DOP1A: variants seen among roughly 807,000 people sequenced by gnomAD.
DOP1A encodes protein DOP1A.
In DOP1A, 90 loss-of-function variants were observed where a neutral mutation model predicts 267.6. That is an observed-to-expected ratio of 0.34 (90% confidence interval 0.28 to 0.40). DOP1A has a LOEUF of 0.40. Ranked by LOEUF, DOP1A falls within the 10% of genes least tolerant of loss-of-function variation. The pLI is 1.00. For missense variants in DOP1A, 2,437 were observed against 2,900.4 expected (o/e 0.84, Z 3.67); for synonymous variants, 932 against 999.1 (o/e 0.93, Z 1.27).
chr6:83,073,188 T>A (rs764498148), intron 1 of DOP1A: 10 of 166,358 alleles, frequency 6.0e-5, no homozygotes, highest in Non-Finnish European at 1.2e-4. Context: ...GTTCGAGCGA[T>A]TCTCCTGCAT....
intron 3 of DOP1A, among the ~76,000 whole-genome samples, chr6:83,098,695 T>C (rs1771953141): frequency 6.6e-6 from 1 of 152,042 alleles, no homozygotes; most frequent in African/African-American, 2.4e-5. Flanking sequence ...TCCTCAGGAG[T>C]GCCACCCTCC....
intron 7 of DOP1A, among the ~76,000 whole-genome samples, chr6:83,117,428 G>A (rs1775642727): frequency 6.6e-6 from 1 of 152,168 alleles, no homozygotes; most frequent in Non-Finnish European, 1.5e-5. Context: ...GGGATTACAG[G>A]TGTGAGTCAC....
chr6:83,155,954 G>A lies in DOP1A; in HGVS notation c.6455G>A (p.Arg2152His), dbSNP rs1187215002. 11 of 1,609,862 alleles carry A rather than the reference G, an allele frequency of 6.8e-6. No homozygotes were observed. Among genetic ancestry groups the A allele is most frequent in the East Asian group, 4.5e-5 (2 of 44,836 alleles). ...TCTCTTTCACTTGCTTTTTCAGCTC[G>A]TGTAGCAGTGGCTCAAAGCAGTTCA... ...DKTTFRDLMT[R>H]VAVAQSSSLN... The change falls in exon 34 of 39, where the codon CGT (arginine) becomes CAT (histidine). Residue 2152 changes from arginine (R) to histidine (H), a missense_variant. Arg to His is a conservative substitution (Grantham distance 29, BLOSUM62 0). This residue lies in a region of DOP1A where 75 missense variants were observed against 149.6 expected (regional missense o/e 0.50). Transcript: ENST00000349129.
At chr6:83,079,838 T>G (rs1767773549) in intron 1 of DOP1A, among the ~76,000 whole-genome samples, 2 of 152,138 alleles carry the variant, frequency 1.3e-5, no homozygotes, top group Non-Finnish European at 2.9e-5. Flanking sequence ...TGATGAAAAT[T>G]TATGTTTCAA....
rs766192477 is a variant in DOP1A, at chr6:83,138,368, C to T, written c.4326C>T (p.Asp1442=). The change falls in exon 21 of 39, where the codon GAC becomes GAT. Residue 1442 remains aspartate (D), a synonymous_variant. Coordinates refer to ENST00000349129, the MANE Select transcript of DOP1A (RefSeq NM_015018.4). ...ATTTTTATAGTCACATTCCAGTGGA[C>T]TCAAATCATAACTTCCGGAGTTCTA... is the stretch of plus-strand genomic sequence containing the variant. ...GKDFYSHIPV[D]SNHNFRSSMY... 3.7e-6 allele frequency: 6 copies of T among 1,610,944 alleles called. No homozygotes were observed. In the Admixed American group the frequency reaches 1.0e-4, roughly 27 times the overall value.
chr6:83,077,788 G>A (rs982122041), intron 1 of DOP1A, among the ~76,000 whole-genome samples: 2 of 152,160 alleles, frequency 1.3e-5, no homozygotes, highest in Non-Finnish European at 2.9e-5. Context: ...CAAACTTTTG[G>A]CCTCCCTGGG....
At chr6:83,149,929 T>G (rs909101238) in intron 27 of DOP1A, among the ~76,000 whole-genome samples, 6 of 152,238 alleles carry the variant, frequency 3.9e-5, no homozygotes, top group African/African-American at 1.4e-4. Flanking sequence ...CTATGTTTGT[T>G]GACAATCTGG....
Position 83,168,182 on chromosome 6 carries a change from T to G in DOP1A, c.*15T>G. 1.9e-6 allele frequency: 3 copies of G among 1,601,808 alleles called. No individual in the cohort carries two copies. The highest frequency in any genetic ancestry group is 1.7e-6 in the Non-Finnish European group (2 of 1,175,174). ...TAAAAACTTGAGCACCATTGCTGGT[T>G]CCATTTAGCTTACATGTAAATGTAA... On this transcript the variant is annotated 3_prime_UTR_variant, in exon 39 of 39. Transcript: ENST00000349129.
At chr6:83,152,710 C>T (rs560980018) in intron 30 of DOP1A, among the ~76,000 whole-genome samples, 3 of 151,444 alleles carry the variant, frequency 2.0e-5, no homozygotes, top group East Asian at 3.9e-4. Flanking sequence ...CTCTGCCTCC[C>T]GGGCTCAAGC....
In DOP1A at chr6:83,120,802, C is replaced by T; in HGVS notation, c.1099+11C>T. ...ACAAACCTGAGCTAGGTAATGTATACTGTCCTAGGGCATAAGGTCATGTGT... is the reference window on the plus strand; with the variant it reads ...ACAAACCTGAGCTAGGTAATGTATATTGTCCTAGGGCATAAGGTCATGTGT... On this transcript the variant is annotated intron_variant, in intron 10 of 38. Coordinates refer to ENST00000349129, the MANE Select transcript of DOP1A (RefSeq NM_015018.4). 1 of 1,540,000 alleles carries T rather than the reference C, an allele frequency of 6.5e-7. No individual in the cohort carries two copies. Among genetic ancestry groups the T allele is most frequent in the Non-Finnish European group, 8.9e-7 (1 of 1,126,626 alleles).
rs775495392 is a variant in DOP1A, at chr6:83,138,785, ACTT to A, written c.4747_4749del (p.Leu1583del). On this transcript the variant is annotated inframe_deletion, in exon 21 of 39. Transcript: ENST00000349129. ...ACAATGGCAGCACGTTGCAGTCACA[ACTT>A]CTTAAGGTGCTTCAGAGGCTGATTG... The A allele has an allele frequency of 8.1e-6, 13 of 1,614,014 alleles. 1 individual carries two copies. Among genetic ancestry groups the A allele is most frequent in the Non-Finnish European group, 1.1e-5 (13 of 1,179,920 alleles).
intron 24 of DOP1A, 72 bp downstream of exon 24, chr6:83,142,118 A>G: frequency 6.4e-7 from 1 of 1,554,128 alleles, no homozygotes. Context: ...ACTTCTCCAT[A>G]TATTGCAGTG....
intron 1 of DOP1A, among the ~76,000 whole-genome samples, chr6:83,084,850 CA>C (rs1382992737): frequency 6.6e-6 from 1 of 152,046 alleles, no homozygotes; most frequent in Non-Finnish European, 1.5e-5. Context: ...CTTGGCCTCC[CA>C]AAGTGCTGGG....
At chr6:83,144,791 T>C (rs1294115940) in intron 24 of DOP1A, among the ~76,000 whole-genome samples, 1 of 152,074 alleles carries the variant, frequency 6.6e-6, no homozygotes, top group African/African-American at 2.4e-5. Flanking sequence ...TTGAGCATGG[T>C]TGCTTTGGGG....
rs1279904077 is a variant in DOP1A at position 83,160,111 on chromosome 6, CG to C, written c.6962+153del. The C allele has an allele frequency of 7.8e-6, 6 of 769,510 alleles. No individual in the cohort carries two copies. In the African/African-American group the frequency reaches 1.1e-4, roughly 14 times the overall value. 47.7% of individuals were successfully genotyped at this position (769,510 alleles called of 1,614,324 possible). A position where few individuals can be genotyped will look rare whatever the true frequency, so the allele number is the denominator to read the frequency against. ...AATTCTTTTGGCACAGCAGAGTTAT[CG>C]GAAGTAAATGGTCAATGTGGATATA... On this transcript the variant is annotated intron_variant, in intron 37 of 38. Coordinates refer to ENST00000349129, the MANE Select transcript of DOP1A (RefSeq NM_015018.4).
chr6:83,138,921 C>T lies in DOP1A; in HGVS notation c.4879C>T (p.Gln1627Ter). 1 of 1,614,090 alleles carries T rather than the reference C, an allele frequency of 6.2e-7. No homozygotes were observed. Among genetic ancestry groups the T allele is most frequent in the African/African-American group, 1.3e-5 (1 of 75,042 alleles). ...TCCCCATCAACCCATGACTTCTCTT[C>T]AGTATTTGCATGCTCAGCCAATCAC... is the stretch of plus-strand genomic sequence containing the variant. Reference protein sequence around the residue: ...ISPHQPMTSLQYLHAQPITCQ... With the variant: ...ISPHQPMTSL Residue 1627 changes from glutamine to a stop codon, truncating the protein, a stop_gained, in exon 21 of 39, where the codon CAG (glutamine) becomes TAG (stop). Coordinates refer to ENST00000349129, the MANE Select transcript of DOP1A (RefSeq NM_015018.4). LOFTEE classifies it high-confidence loss of function.
At chr6:83,099,749 TATACAC>T (rs1772223996) in intron 3 of DOP1A, among the ~76,000 whole-genome samples, 1 of 151,688 alleles carries the variant, frequency 6.6e-6, no homozygotes, top group Admixed American at 6.6e-5. Flanking sequence ...TATACATATA[TATACAC>T]ATACACATAT....
intron 24 of DOP1A, among the ~76,000 whole-genome samples, chr6:83,144,965 C>T (rs997979750): frequency 2.7e-5 from 4 of 147,328 alleles, no homozygotes; most frequent in African/African-American, 5.0e-5. Context: ...ATTATCTGGG[C>T]ATAGTGGCAT....
chr6:83,132,387 A>G (rs1444675770), intron 18 of DOP1A, 59 bp downstream of exon 18: 2 of 1,356,766 alleles, frequency 1.5e-6, no homozygotes, highest in African/African-American at 2.3e-5. Context: ...ACACACACAA[A>G]TACTGAAAAG....
Sources: gnomAD v4.1 joint callset for allele counts (sites outside exome capture counted in the v4.1 genomes callset) on GRCh38, gnomAD v4.1.1 for gene constraint, gnomAD v4.1.1 regional missense constraint, MANE v1.5 for transcripts, NCBI Gene and HGNC (gene_info 2026-07-23, HGNC 2026-07-21) for gene names.